Variants in CDH13 observed in about 807,000 individuals in gnomAD.
CDH13 encodes cadherin-13.
Under a neutral mutation model 63.8 loss-of-function variants are expected in CDH13, and 24 were observed. That is an observed-to-expected ratio of 0.38 (90% CI 0.27 to 0.53). The LOEUF is 0.53. Ranked by LOEUF, CDH13 falls within the 20% of genes least tolerant of loss-of-function variation. CDH13 has a pLI of 0.85. For missense variants in CDH13, 1,049 were observed against 903.1 expected (o/e 1.16, Z -2.07); for synonymous variants, 503 against 355.3 (o/e 1.42, Z -4.67).
At chr16:82,857,098 G>C (rs753977779) in intron 1 of CDH13, among the ~76,000 whole-genome samples, 4 of 152,196 alleles carry the variant, frequency 2.6e-5, no homozygotes, top group Non-Finnish European at 5.9e-5. Flanking sequence ...GAAGGTCTGA[G>C]GGGAATGGGT....
chr16:83,425,057 T>C (rs544561477), intron 6 of CDH13, among the ~76,000 whole-genome samples: 16 of 152,360 alleles, frequency 1.1e-4, no homozygotes, highest in Non-Finnish European at 2.1e-4. Context: ...TGGCATGCTA[T>C]CACACCATAG....
At chr16:83,389,989 AG>A (rs1170137567) in intron 6 of CDH13, among the ~76,000 whole-genome samples, 1 of 152,238 alleles carries the variant, frequency 6.6e-6, no homozygotes, top group Non-Finnish European at 1.5e-5. Flanking sequence ...GTGATAAGAA[AG>A]TCAACTTGGT....
chr16:83,132,451 C>CA (rs1208222729), intron 4 of CDH13, among the ~76,000 whole-genome samples: 16 of 101,628 alleles, frequency 1.6e-4, no homozygotes, highest in Non-Finnish European at 2.8e-4. Context: ...CAACACCCCC[C>CA]CCTTTTTTTT....
chr16:83,517,002 T>C (rs2074712002), intron 7 of CDH13, among the ~76,000 whole-genome samples: 1 of 152,176 alleles, frequency 6.6e-6, no homozygotes, highest in Non-Finnish European at 1.5e-5. Context: ...ATTGCTGGTG[T>C]AGTTAAAAAC....
intron 2 of CDH13, among the ~76,000 whole-genome samples, chr16:82,939,830 A>G (rs953087511): frequency 6.6e-6 from 1 of 152,156 alleles, no homozygotes; most frequent in Non-Finnish European, 1.5e-5. Flanking sequence ...GCTTGTTCAA[A>G]TATATTTCAT....
intron 6 of CDH13, among the ~76,000 whole-genome samples, chr16:83,412,299 T>C (rs931102466): frequency 1.3e-5 from 2 of 152,028 alleles, no homozygotes; most frequent in African/African-American, 4.8e-5. Context: ...CCATCTCTAC[T>C]AAAAATACAA....
At chr16:83,569,007 C>T (rs1167458005) in intron 7 of CDH13, among the ~76,000 whole-genome samples, 1 of 152,108 alleles carries the variant, frequency 6.6e-6, no homozygotes, top group Non-Finnish European at 1.5e-5. Context: ...CTTCATCTTG[C>T]CTAGTGCAGC....
At chr16:83,471,869 G>A (rs894927144) in intron 6 of CDH13, among the ~76,000 whole-genome samples, 1 of 152,156 alleles carries the variant, frequency 6.6e-6, no homozygotes, top group Admixed American at 6.5e-5. Context: ...GGATATTGTT[G>A]AGGCTTAATA....
At chr16:82,758,921 C>T (rs939094096) in intron 1 of CDH13, among the ~76,000 whole-genome samples, 5 of 152,198 alleles carry the variant, frequency 3.3e-5, no homozygotes, top group Admixed American at 6.5e-5. Flanking sequence ...CTTAAATACA[C>T]GTAACAGCTA....
chr16:83,541,172 G>C (rs1473610003), intron 7 of CDH13, among the ~76,000 whole-genome samples: 4 of 152,092 alleles, frequency 2.6e-5, no homozygotes, highest in African/African-American at 9.7e-5. Flanking sequence ...CAAAGATGTT[G>C]GGAAGAAATC....
At chr16:83,651,179 CA>C (rs1912339918) in intron 8 of CDH13, among the ~76,000 whole-genome samples, 1 of 152,212 alleles carries the variant, frequency 6.6e-6, no homozygotes, top group East Asian at 1.9e-4. Flanking sequence ...GTTTAGATAA[CA>C]AGGGGACTTT....
At chr16:83,547,233 C>T (rs932553181) in intron 7 of CDH13, among the ~76,000 whole-genome samples, 3 of 152,228 alleles carry the variant, frequency 2.0e-5, no homozygotes, top group African/African-American at 7.2e-5. Flanking sequence ...CAAGAGTACA[C>T]AGCAGTGAGC....
chr16:83,368,386 C>T (rs558430571), intron 6 of CDH13, among the ~76,000 whole-genome samples: 1 of 152,324 alleles, frequency 6.6e-6, no homozygotes, highest in African/African-American at 2.4e-5. Context: ...AATTTGGTTG[C>T]TTGCTGTAGC....
chr16:83,753,541 G>C (rs77663992), intron 11 of CDH13, among the ~76,000 whole-genome samples: 1 of 151,672 alleles, frequency 6.6e-6, no homozygotes, highest in Non-Finnish European at 1.5e-5. Context: ...ATGAGACCCC[G>C]TCTCAAAAAA....
intron 4 of CDH13, among the ~76,000 whole-genome samples, chr16:83,129,996 C>T (rs2035979705): frequency 6.6e-6 from 1 of 152,192 alleles, no homozygotes; most frequent in Non-Finnish European, 1.5e-5. Flanking sequence ...GTTCCTGCAT[C>T]CCAGGAGGGA....
chr16:82,942,254 G>A (rs1261419235), intron 2 of CDH13, among the ~76,000 whole-genome samples: 1 of 152,114 alleles, frequency 6.6e-6, no homozygotes, highest in Admixed American at 6.5e-5. Flanking sequence ...TCCAGTTGCT[G>A]CCGCAAAATG....
At chr16:82,962,816 A>T (rs1003105200) in intron 2 of CDH13, among the ~76,000 whole-genome samples, 11 of 152,218 alleles carry the variant, frequency 7.2e-5, no homozygotes, top group African/African-American at 2.7e-4. Flanking sequence ...GAAAAGCAAG[A>T]CGTGTGAAAT....
intron 1 of CDH13, among the ~76,000 whole-genome samples, chr16:82,780,929 C>T (rs1406393694): frequency 6.6e-6 from 1 of 152,222 alleles, no homozygotes; most frequent in African/African-American, 2.4e-5. Context: ...TGTTTTCTGA[C>T]TGGACTGGAG....
At chr16:83,487,815 G>A (rs943136112) in intron 7 of CDH13, among the ~76,000 whole-genome samples, 3 of 152,114 alleles carry the variant, frequency 2.0e-5, no homozygotes, top group Admixed American at 1.3e-4. Context: ...TAAATCCATG[G>A]TTCGGAGTGT....
Sources: gnomAD v4.1 joint callset for allele counts (sites outside exome capture counted in the v4.1 genomes callset) on GRCh38, gnomAD v4.1.1 for gene constraint, MANE v1.5 for transcripts, NCBI Gene and HGNC (gene_info 2026-07-23, HGNC 2026-07-21) for gene names.